The following ORC6 variants were observed in gnomAD, a reference collection of about 807,000 sequenced individuals.
ORC6 encodes the protein origin recognition complex subunit 6, also known as origin recognition complex, subunit 6 homolog-like (yeast).
ORC6 carries 31 observed loss-of-function variants against 30.0 expected under a neutral mutation model. The ratio of observed to expected loss-of-function variants is 1.03; its 90% CI spans 0.78 to 1.40. ORC6 has a LOEUF of 1.40. ORC6 is among the 40% of genes most tolerant of loss of function. The pLI is 0.00. For missense variants in ORC6, 340 were observed against 304.3 expected, an observed-to-expected ratio of 1.12 and a Z score of -0.87; for synonymous variants, 136 against 111.2, an observed-to-expected ratio of 1.22 and a Z score of -1.40.
chr16:46,691,232 ATTC>A, intron 2 of ORC6, 112 bp downstream of exon 2: 1 of 1,000,730 alleles, frequency 1.0e-6, no homozygotes, highest in Non-Finnish European at 1.6e-6. Flanking sequence ...TGTCCTGGGT[ATTC>A]TTGTGTGTTA....
Position 46,692,823 on chromosome 16 carries a change from G to A in ORC6, c.360-270G>A, listed in dbSNP as rs375475206. Among the ~76,000 whole-genome samples the A allele has an allele frequency of 5.9e-5, 9 of 152,260 alleles. No homozygotes were observed. In the East Asian group the frequency reaches 9.6e-4, roughly 16 times the overall value. ...GTGGAGGTTGCAGTAAGCCGAGATT[G>A]CACCACTGCACTCCAGCCTGGATGA... On this transcript the variant is annotated intron_variant, in intron 3 of 6. Transcript: ENST00000219097.
At chr16:46,691,932 G>GCACACACACACACACACACACACACA (rs34549741) in intron 2 of ORC6, among the ~76,000 whole-genome samples, 7 of 59,270 alleles carry the variant, frequency 1.2e-4, no homozygotes, top group Admixed American at 2.2e-4. Context: ...TTTCTCTCCT[G>GCACACACACACACACACACACACACA]CACACACACA....
At chr16:46,694,285 C>T (rs1352236473) in intron 4 of ORC6, 59 of 113,638 alleles carry the variant, frequency 5.2e-4, no homozygotes, top group African/African-American at 1.8e-3. Flanking sequence ...GGCAACCATC[C>T]GATTTCTCAA....
chr16:46,692,605 C>G (rs1038461782), intron 3 of ORC6, 60 bp downstream of exon 3: 14 of 1,482,328 alleles, frequency 9.4e-6, no homozygotes, highest in Non-Finnish European at 1.3e-5. Context: ...CGTGGTGGCT[C>G]ACGCCTGTAA....
intron 3 of ORC6, 144 bp from the exon 4 acceptor site, chr16:46,692,949 A>G (rs1966464615): frequency 1.4e-6 from 1 of 704,358 alleles, no homozygotes. Context: ...TGTTCTGGTT[A>G]ATTTTCAGTC....
chr16:46,695,143 T>C (rs1035358939), intron 4 of ORC6: 2 of 214,498 alleles, frequency 9.3e-6, no homozygotes, highest in African/African-American at 4.8e-5. Context: ...TGTTTGTAAT[T>C]AGTGGTTGCT....
At chr16:46,691,409 A>G (rs772326516) in intron 2 of ORC6, among the ~76,000 whole-genome samples, 2 of 152,130 alleles carry the variant, frequency 1.3e-5, no homozygotes, top group Non-Finnish European at 1.5e-5. Flanking sequence ...CCAAACCCCT[A>G]TGCTTTTCTT....
At chr16:46,696,173 A>G in intron 6 of ORC6, 88 bp downstream of exon 6, 2 of 851,170 alleles carry the variant, frequency 2.3e-6, no homozygotes, top group South Asian at 1.3e-5. Flanking sequence ...ACAGGAGTCC[A>G]GTTTTAAGTA....
intron 5 of ORC6, 59 bp from the exon 6 acceptor site, chr16:46,695,958 T>C (rs1966513507): frequency 8.1e-7 from 1 of 1,229,746 alleles, no homozygotes; most frequent in Non-Finnish European, 1.2e-6. Context: ...ATCCAAAACA[T>C]GCCCAAATAC....
At chr16:46,689,913 C>G in intron 1 of ORC6, 143 bp downstream of exon 1, 1 of 1,222,226 alleles carries the variant, frequency 8.2e-7, no homozygotes, top group East Asian at 2.8e-5. Context: ...GGGCCTACTT[C>G]AAGAAAAACT....
rs1281623043 is a variant in ORC6, at chr16:46,693,158, CT to C, written c.426del (p.Ala143LeufsTer10). The C allele has an allele frequency of 6.2e-7, 1 of 1,611,416 alleles. No individual in the cohort carries two copies. Among genetic ancestry groups the C allele is most frequent in the Non-Finnish European group, 8.5e-7 (1 of 1,177,688 alleles). On this transcript the variant is annotated frameshift_variant, in exon 4 of 7. Transcript: ENST00000219097. LOFTEE classifies it high-confidence loss of function. ...DLDLSRPLFT[S>X]AALLSACKIL... is the part of the protein sequence containing the mutation. ...GACTTATCCAGGCCACTTTTCACTT[CT>C]GCTGCACTGCTTTCAGCATGCAAGT...
At position 46,695,558 on chromosome 16, in the gene ORC6, G is replaced by A. The variant is rs886052013; in HGVS notation, c.450-4G>A. 8.2e-6 allele frequency: 13 copies of A among 1,587,278 alleles called. No individual in the cohort carries two copies. The highest frequency in any genetic ancestry group is 1.1e-5 in the Non-Finnish European group (13 of 1,155,700). ...GAAAAGCAACTTATGAAATTGTTTT[G>A]TAGGATTCTAAAGCTGAAAGTGGAT... On this transcript the variant is annotated splice_polypyrimidine_tract_variant and splice_region_variant and intron_variant, in intron 4 of 6. Transcript: ENST00000219097.
rs755702294 is a variant in ORC6, at chr16:46,698,180, G to T, written c.*595G>T. 6 of 446,710 alleles carry T rather than the reference G, an allele frequency of 1.3e-5. No homozygotes were observed. The highest frequency in any genetic ancestry group is 2.2e-5 in the Non-Finnish European group (5 of 222,898). 27.7% of individuals were successfully genotyped at this position (446,710 alleles called of 1,614,324 possible). On this transcript the variant is annotated 3_prime_UTR_variant, in exon 7 of 7. Transcript: ENST00000219097. ...AGACTTATAGATAGATAGATAGATA[G>T]ATGGATAGATAGATAGATAGATAGA...
At chr16:46,691,958 A>ACACACACTCTCTCTCTCTCTCTCT in intron 2 of ORC6, among the ~76,000 whole-genome samples, 3,094 of 36,626 alleles carry the variant, frequency 0.084, 293 homozygotes, top group Non-Finnish European at 0.12. Context: ...ACACACACAC[A>ACACACACTCTCTCTCTCTCTCTCT]CTCTCTCTCT....
At chr16:46,697,174 G>A (rs1319973421) in intron 6 of ORC6, among the ~76,000 whole-genome samples, 2 of 152,054 alleles carry the variant, frequency 1.3e-5, no homozygotes, top group Admixed American at 1.3e-4. Context: ...GTAAGGGAGG[G>A]AAAAAAGTGA....
rs767096909 is a variant in ORC6 at position 46,689,713 on chromosome 16, C to T, written c.8C>T (p.Ser3Leu). ...CGCTTTAGTGCCGGCGCCATGGGGT[C>T]GGAGCTGATCGGGCGCCTAGCCCCG... MG[S>L]ELIGRLAPRL... is the part of the protein sequence containing the mutation. Residue 3 changes from serine (S) to leucine (L), a missense_variant, in exon 1 of 7, where the codon TCG (serine) becomes TTG (leucine). By Grantham distance (145) the Ser-to-Leu change is moderately radical. Coordinates refer to ENST00000219097, the MANE Select transcript of ORC6 (RefSeq NM_014321.4). 1.2e-6 allele frequency: 2 copies of T among 1,601,162 alleles called. No homozygotes were observed. The highest frequency in any genetic ancestry group is 1.3e-5 in the African/African-American group (1 of 74,802).
chr16:46,692,393 T>G lies in ORC6; in HGVS notation c.207T>G (p.Ile69Met), dbSNP rs138076975. ...MKCPLDRAYLIKLSGLNKETY... is the reference protein window; with the variant it reads ...MKCPLDRAYLMKLSGLNKETY... ...TTTTCCTTTCACAGGCTTATTTAAT[T>G]AAACTTTCTGGTTTGAACAAGGAGA... Residue 69 changes from isoleucine to methionine, a missense_variant, in exon 3 of 7, where the codon ATT becomes ATG. By Grantham distance (10) the Ile-to-Met change is conservative (BLOSUM62 1). Transcript: ENST00000219097. The G allele has an allele frequency of 3.1e-4, 494 of 1,613,366 alleles. No individual in the cohort carries two copies. The highest frequency in any genetic ancestry group is 4.0e-4 in the Non-Finnish European group (477 of 1,179,494).
Position 46,697,652 on chromosome 16 carries a change from G to T in ORC6, c.*67G>T. The T allele has an allele frequency of 6.6e-7, 1 of 1,521,682 alleles. No individual in the cohort carries two copies. Among genetic ancestry groups the T allele is most frequent in the Non-Finnish European group, 9.1e-7 (1 of 1,096,198 alleles). The allele number at this position is 1,521,682 out of a possible 1,614,324, so 94.3% of individuals were successfully genotyped here. On this transcript the variant is annotated 3_prime_UTR_variant, in exon 7 of 7. Transcript: ENST00000219097. ...ATTGCCATCTCCAGGAAGACTTGACGGCTTTGGGATTTTGTTTAAACTTTT... is the reference window on the plus strand; with the variant it reads ...ATTGCCATCTCCAGGAAGACTTGACTGCTTTGGGATTTTGTTTAAACTTTT...
chr16:46,697,008 C>G lies in ORC6; in HGVS notation c.632-450C>G, dbSNP rs145478685. On this transcript the variant is annotated intron_variant, in intron 6 of 6. Coordinates refer to ENST00000219097, the MANE Select transcript of ORC6 (RefSeq NM_014321.4). Reference sequence around the variant, plus strand: ...ATTTCTGTGAGCCTCAATTTCCTGACCTATAAAATGTGATTAATATTATCA... The same window carrying G: ...ATTTCTGTGAGCCTCAATTTCCTGAGCTATAAAATGTGATTAATATTATCA... Among the ~76,000 whole-genome samples the G allele has an allele frequency of 6.4e-3, 977 of 152,256 alleles. 6 individuals carry two copies. Among genetic ancestry groups the G allele is most frequent in the Middle Eastern group, 0.014 (4 of 294 alleles).
Sources: gnomAD v4.1 joint callset for allele counts (sites outside exome capture counted in the v4.1 genomes callset) on GRCh38, gnomAD v4.1.1 for gene constraint, MANE v1.5 for transcripts, NCBI Gene and HGNC (gene_info 2026-07-23, HGNC 2026-07-21) for gene names.